GLYAT: variants seen among roughly 807,000 people sequenced by gnomAD.
The protein encoded by GLYAT is glycine N-acyltransferase.
A neutral mutation model predicts 22.8 loss-of-function variants in GLYAT; 25 were observed. That is an observed-to-expected ratio of 1.09 (90% CI 0.80 to 1.53). The LOEUF is 1.53. Among genes scored for constraint, GLYAT ranks in the 40% most tolerant of loss-of-function variants. The probability of loss-of-function intolerance (pLI) is 0.00; values close to 1 mark genes in which losing one functional copy is unlikely to be tolerated. For missense variants in GLYAT, 411 were observed against 353.9 expected (o/e 1.16, Z -1.29); for synonymous variants, 140 against 122.7 (o/e 1.14, Z -0.93).
In GLYAT at chr11:58,725,817, C is replaced by T. The variant is rs145248012; in HGVS notation, c.-15-1306G>A. Among the ~76,000 whole-genome samples the T allele has an allele frequency of 5.9e-5, 9 of 152,218 alleles. No individual in the cohort carries two copies. In the East Asian group the frequency reaches 1.7e-3, roughly 29 times the overall value. ...TTTGGGGTCTTGTGTCCATTCTCCC[C>T]TGATTCTTCCCATGGGGGTGGGCTG... On this transcript the variant is annotated intron_variant, in intron 1 of 5. Transcript: ENST00000344743.
intron 2 of GLYAT, among the ~76,000 whole-genome samples, chr11:58,721,164 T>C (rs1368349138): frequency 6.6e-6 from 1 of 151,908 alleles, no homozygotes; most frequent in Non-Finnish European, 1.5e-5. Context: ...TTTTTTTCTA[T>C]CTTAGAATTT....
At chr11:58,714,059 A>G (rs1236432118) in intron 3 of GLYAT, among the ~76,000 whole-genome samples, 2 of 152,116 alleles carry the variant, frequency 1.3e-5, no homozygotes, top group Non-Finnish European at 2.9e-5. Context: ...AATAAGCCAA[A>G]CACAGGCAGA....
At chr11:58,719,994 G>GT (rs1167454312) in intron 2 of GLYAT, among the ~76,000 whole-genome samples, 3 of 151,574 alleles carry the variant, frequency 2.0e-5, no homozygotes, top group Non-Finnish European at 4.4e-5. Context: ...ACTTATTTTA[G>GT]TTTAGGATTA....
chr11:58,717,676 A>C (rs1398754959), intron 2 of GLYAT, among the ~76,000 whole-genome samples: 1 of 152,090 alleles, frequency 6.6e-6, no homozygotes, highest in Non-Finnish European at 1.5e-5. Context: ...GCGAGACTAG[A>C]ATCTAACAAC....
chr11:58,728,909 G>GGAAGGAAGGAAGGAAA (rs1565061124), intron 1 of GLYAT, among the ~76,000 whole-genome samples: 1 of 111,170 alleles, frequency 9.0e-6, no homozygotes, highest in African/African-American at 3.2e-5. Flanking sequence ...AAGGAAGGAA[G>GGAAGGAAGGAAGGAAA]GAAGGAAGGA....
At chr11:58,724,662 G>A (rs571989637) in intron 1 of GLYAT, among the ~76,000 whole-genome samples, 151 bp from the exon 2 acceptor site, 3 of 151,804 alleles carry the variant, frequency 2.0e-5, no homozygotes, top group South Asian at 2.1e-4. Context: ...AATGAGACTC[G>A]TAGAAAACAC....
At chr11:58,728,893 G>A (rs583882) in intron 1 of GLYAT, among the ~76,000 whole-genome samples, 7,684 of 58,072 alleles carry the variant, frequency 0.13, 297 homozygotes, top group Non-Finnish European at 0.14. Context: ...AAAGAAAGAA[G>A]GAAGGAAGGA....
In GLYAT at chr11:58,709,763, G is replaced by A. The variant is rs774700116; in HGVS notation, c.*3C>T. ...CAACACTGTCTTATGTTCAGGATTG[G>A]CATCACAGAGGTACACAGTTCCACT... On this transcript the variant is annotated 3_prime_UTR_variant, in exon 6 of 6. Transcript: ENST00000344743. The A allele has an allele frequency of 1.2e-6, 2 of 1,602,752 alleles. No individual in the cohort carries two copies. Among genetic ancestry groups the A allele is most frequent in the Non-Finnish European group, 1.7e-6 (2 of 1,173,064 alleles).
At chr11:58,716,396 A>C (rs1398793717) in intron 2 of GLYAT, among the ~76,000 whole-genome samples, 1 of 151,826 alleles carries the variant, frequency 6.6e-6, no homozygotes, top group Admixed American at 6.6e-5. Context: ...CCCCTACCCC[A>C]CATGAAATAC....
chr11:58,722,188 A>T (rs1292091326), intron 2 of GLYAT, among the ~76,000 whole-genome samples: 2 of 152,036 alleles, frequency 1.3e-5, no homozygotes, highest in Non-Finnish European at 2.9e-5. Context: ...AGTCAGCCAT[A>T]CTGGTACCAA....
In GLYAT at chr11:58,715,431, A is replaced by T; in HGVS notation, c.82-8T>A. Reference sequence around the variant, plus strand: ...AAAGACAGTTCCATAAACCTGCAGGATCCCAAGAAATTGACAGGGTTGGTT... The same window carrying T: ...AAAGACAGTTCCATAAACCTGCAGGTTCCCAAGAAATTGACAGGGTTGGTT... On this transcript the variant is annotated splice_polypyrimidine_tract_variant and splice_region_variant and intron_variant, in intron 2 of 5. Coordinates refer to ENST00000344743, the MANE Select transcript of GLYAT (RefSeq NM_201648.3). The T allele has an allele frequency of 7.8e-7, 1 of 1,275,444 alleles. No homozygotes were observed. The highest frequency in any genetic ancestry group is 1.1e-6 in the Non-Finnish European group (1 of 877,960). The allele number at this position is 1,275,444 out of a possible 1,614,324, so 79.0% of individuals were successfully genotyped here.
intron 4 of GLYAT, 132 bp from the exon 5 acceptor site, chr11:58,710,893 A>AC: frequency 1.7e-6 from 1 of 588,872 alleles, no homozygotes; most frequent in South Asian, 2.4e-5. Context: ...CCACTGTGTG[A>AC]CCCATGTCAA....
At chr11:58,715,285 T>A in intron 3 of GLYAT, 31 bp downstream of exon 3, 2 of 931,918 alleles carry the variant, frequency 2.1e-6, no homozygotes, top group Non-Finnish European at 3.5e-6. Flanking sequence ...CTAATATAAA[T>A]ATAGAAGAAT....
At chr11:58,717,708 T>A (rs1856701349) in intron 2 of GLYAT, among the ~76,000 whole-genome samples, 1 of 152,082 alleles carries the variant, frequency 6.6e-6, no homozygotes, top group South Asian at 2.1e-4. Flanking sequence ...AGTCTTGAAA[T>A]ATAGTCTTTT....
At chr11:58,711,673 A>C (rs1458174462) in intron 4 of GLYAT, among the ~76,000 whole-genome samples, 1 of 152,190 alleles carries the variant, frequency 6.6e-6, no homozygotes, top group African/African-American at 2.4e-5. Context: ...GGTAACATCT[A>C]CTAAGCTACA....
chr11:58,709,695 T>G lies in GLYAT; in HGVS notation c.*71A>C, dbSNP rs1856584810. Reference sequence around the variant, plus strand: ...TGCTGATTACAATTTATTATTTCTTTTCATCCACCATCCACTCCTCAAATT... The same window carrying G: ...TGCTGATTACAATTTATTATTTCTTGTCATCCACCATCCACTCCTCAAATT... On this transcript the variant is annotated 3_prime_UTR_variant, in exon 6 of 6. Coordinates refer to ENST00000344743, the MANE Select transcript of GLYAT (RefSeq NM_201648.3). 1 of 1,475,202 alleles carries G rather than the reference T, an allele frequency of 6.8e-7. No individual in the cohort carries two copies. Among genetic ancestry groups the G allele is most frequent in the Non-Finnish European group, 9.2e-7 (1 of 1,090,500 alleles). 91.4% of individuals were successfully genotyped at this position (1,475,202 alleles called of 1,614,324 possible). A position where few individuals can be genotyped will look rare whatever the true frequency, so the allele number is the denominator to read the frequency against.
intron 2 of GLYAT, among the ~76,000 whole-genome samples, chr11:58,720,799 C>T (rs767980831): frequency 3.9e-5 from 6 of 151,972 alleles, no homozygotes; most frequent in Admixed American, 1.3e-4. Flanking sequence ...ACATTGACAA[C>T]TTATAGTATT....
intron 4 of GLYAT, among the ~76,000 whole-genome samples, chr11:58,712,207 T>C (rs572791019): frequency 9.2e-5 from 14 of 152,350 alleles, no homozygotes; most frequent in African/African-American, 3.4e-4. Context: ...GCTAAGCACT[T>C]CCTAGTCACT....
At chr11:58,723,793 A>T (rs1856781327) in intron 2 of GLYAT, among the ~76,000 whole-genome samples, 1 of 151,470 alleles carries the variant, frequency 6.6e-6, no homozygotes, top group African/African-American at 2.4e-5. Context: ...ATATCCATTT[A>T]TATATATATA....
Sources: gnomAD v4.1 joint callset for allele counts (sites outside exome capture counted in the v4.1 genomes callset) on GRCh38, gnomAD v4.1.1 for gene constraint, MANE v1.5 for transcripts, NCBI Gene and HGNC (gene_info 2026-07-23, HGNC 2026-07-21) for gene names.